Variants in STAT5B observed in about 807,000 individuals in gnomAD.
The protein encoded by STAT5B is signal transducer and activator of transcription 5B.
Under a neutral mutation model 107.8 loss-of-function variants are expected in STAT5B, and 21 were observed. The observed-to-expected ratio is 0.19, with a 90% confidence interval of 0.14 to 0.28. STAT5B has a LOEUF of 0.28. Among genes scored for constraint, STAT5B ranks in the 10% least tolerant of loss-of-function variants. The pLI is 1.00. For synonymous variants in STAT5B, 325 were observed against 401.7 expected (o/e 0.81, Z 2.28); for missense variants, 565 against 1,008.2 (o/e 0.56, Z 5.95).
intron 5 of STAT5B, among the ~76,000 whole-genome samples, chr17:42,220,289 C>T (rs1177169771): frequency 6.6e-6 from 1 of 152,224 alleles, no homozygotes; most frequent in East Asian, 1.9e-4. Flanking sequence ...CGGCACCTGC[C>T]TCAGTGGGGT....
At chr17:42,212,558 A>C (rs1326568690) in intron 12 of STAT5B, among the ~76,000 whole-genome samples, 1 of 152,210 alleles carries the variant, frequency 6.6e-6, no homozygotes, top group Non-Finnish European at 1.5e-5. Flanking sequence ...AGGTACAAAC[A>C]GAGAGAGTGT....
intron 7 of STAT5B, 111 bp downstream of exon 7, chr17:42,219,201 G>C (rs1056024557): frequency 1.4e-6 from 2 of 1,421,920 alleles, no homozygotes; most frequent in Non-Finnish European, 1.9e-6. Context: ...AGAAACAAGA[G>C]CTGTCCCAGG....
intron 1 of STAT5B, among the ~76,000 whole-genome samples, chr17:42,262,479 G>A (rs2080607332): frequency 6.6e-6 from 1 of 152,004 alleles, no homozygotes; most frequent in Non-Finnish European, 1.5e-5. Context: ...TTATACCCAA[G>A]AGAAAATATC....
At chr17:42,216,154 T>C (rs778082056) in intron 11 of STAT5B, 48 bp from the exon 12 acceptor site, 5 of 1,493,246 alleles carry the variant, frequency 3.3e-6, no homozygotes, top group Non-Finnish European at 4.5e-6. Context: ...CTCAAGTTCT[T>C]CTCCTTCTCT....
Position 42,227,539 on chromosome 17 carries a change from G to A in STAT5B, c.275C>T (p.Thr92Ile). ...LLKIKLGHYA[T>I]QLQNTYDRCP... ...AGAGCCCACACCCACCTGGAGCTGT[G>A]TGGCATAGTGCCCCAGCTTGATCTT... Residue 92 changes from threonine to isoleucine, a missense_variant, in exon 3 of 19, where the codon ACA becomes ATA. Physicochemically the swap from Thr to Ile is moderately conservative, Grantham distance 89. Transcript: ENST00000293328. 1 of 1,613,324 alleles carries A rather than the reference G, an allele frequency of 6.2e-7. No homozygotes were observed.
chr17:42,243,229 G>A (rs1598323242), intron 1 of STAT5B, among the ~76,000 whole-genome samples: 2 of 151,848 alleles, frequency 1.3e-5, no homozygotes, highest in African/African-American at 4.8e-5. Flanking sequence ...GGTGGCACAC[G>A]CCTGTAGTTG....
At chr17:42,212,696 TG>T (rs2080139595) in intron 12 of STAT5B, among the ~76,000 whole-genome samples, 2 of 152,388 alleles carry the variant, frequency 1.3e-5, no homozygotes, top group Admixed American at 6.5e-5. Flanking sequence ...TTGAGTTGGA[TG>T]GCTTTATTGA....
At chr17:42,239,442 T>A (rs1004520296) in intron 1 of STAT5B, among the ~76,000 whole-genome samples, 1 of 152,122 alleles carries the variant, frequency 6.6e-6, no homozygotes, top group Admixed American at 6.6e-5. Context: ...TACTGCTTTA[T>A]GAATTATTAG....
intron 2 of STAT5B, 77 bp from the exon 3 acceptor site, chr17:42,227,762 CT>C (rs2080286201): frequency 2.7e-6 from 4 of 1,482,272 alleles, no homozygotes; most frequent in Non-Finnish European, 9.2e-7. Flanking sequence ...ACACATCCTA[CT>C]TTTTCTTCAA....
At chr17:42,256,354 T>A (rs547881273) in intron 1 of STAT5B, among the ~76,000 whole-genome samples, 2 of 152,214 alleles carry the variant, frequency 1.3e-5, no homozygotes, top group South Asian at 4.1e-4. Context: ...GTACTGGGAT[T>A]ATAGGCATGA....
chr17:42,205,801 T>C (rs565705281), intron 16 of STAT5B, among the ~76,000 whole-genome samples: 1 of 152,210 alleles, frequency 6.6e-6, no homozygotes, highest in Non-Finnish European at 1.5e-5. Flanking sequence ...CCCAACTATG[T>C]GGGAGGCTGA....
At chr17:42,286,246 A>C in the STAT5B span, among the ~76,000 whole-genome samples, 3 of 151,496 alleles carry the variant, frequency 2.0e-5, no homozygotes, top group African/African-American at 4.8e-5. Flanking sequence ...AAAAAAAAAA[A>C]AAAAAAAAAC....
intron 1 of STAT5B, chr17:42,270,851 CT>C (rs1432222891): frequency 6.6e-6 from 1 of 152,236 alleles, no homozygotes; most frequent in Non-Finnish European, 1.5e-5. Flanking sequence ...CATCTTCCAT[CT>C]GGGAATAATA....
At chr17:42,218,986 C>T (rs896813107) in intron 7 of STAT5B, 108 bp from the exon 8 acceptor site, 4 of 1,066,446 alleles carry the variant, frequency 3.8e-6, no homozygotes, top group African/African-American at 3.2e-5. Flanking sequence ...GCTTTCGCCA[C>T]ACTTCCCACC....
intron 15 of STAT5B, 111 bp downstream of exon 15, chr17:42,210,060 C>G (rs2080116223): frequency 6.7e-7 from 1 of 1,499,692 alleles, no homozygotes; most frequent in African/African-American, 1.4e-5. Context: ...TTTATGTTTC[C>G]CATAATTAGT....
the STAT5B span, among the ~76,000 whole-genome samples, chr17:42,286,931 T>C: frequency 1.3e-5 from 2 of 152,174 alleles, no homozygotes; most frequent in Non-Finnish European, 2.9e-5. Context: ...GCACTTGGCT[T>C]TCATTCCAGT....
At chr17:42,281,303 C>G (rs1377052003), upstream of STAT5B, among the ~76,000 whole-genome samples, 1 of 152,110 alleles carries the variant, frequency 6.6e-6, no homozygotes, top group Non-Finnish European at 1.5e-5. Context: ...TTTAAATGCA[C>G]AAAAGACCCC....
At chr17:42,219,911 C>A (rs1200432803) in intron 5 of STAT5B, 69 bp from the exon 6 acceptor site, 16 of 1,610,728 alleles carry the variant, frequency 9.9e-6, no homozygotes, top group Non-Finnish European at 1.4e-5. Flanking sequence ...GAGAAGCCCA[C>A]TCACCCGTTC....
upstream of STAT5B, among the ~76,000 whole-genome samples, chr17:42,277,310 C>G (rs2080774221): frequency 1.3e-5 from 2 of 152,142 alleles, no homozygotes; most frequent in Non-Finnish European, 2.9e-5. Context: ...AGAAGCCAAG[C>G]TGCAGGGGCC....
Sources: allele counts gnomAD v4.1 joint callset (sites outside exome capture counted in the v4.1 genomes callset), GRCh38; gene constraint gnomAD v4.1.1; transcripts MANE v1.5; gene names NCBI Gene and HGNC (gene_info 2026-07-23, HGNC 2026-07-21).